Variants in RERE observed in about 807,000 individuals in gnomAD.
The protein encoded by RERE is arginine-glutamic acid dipeptide repeats, also known as arginine-glutamic acid dipeptide repeats protein.
In RERE, 40 loss-of-function variants were observed where a neutral mutation model predicts 146.1. The observed-to-expected ratio is 0.27, with a 90% CI of 0.21 to 0.36. The LOEUF (loss-of-function observed/expected upper bound fraction) is 0.36, where lower values mean the gene tolerates loss of function less well. Among genes scored for constraint, RERE ranks in the 10% least tolerant of loss-of-function variants. RERE has a pLI of 1.00. For synonymous variants in RERE, 1,003 were observed against 866.0 expected (o/e 1.16, Z -2.78); for missense variants, 1,933 against 2,138.7 (o/e 0.90, Z 1.90).
intron 1 of RERE, among the ~76,000 whole-genome samples, chr1:8,732,522 A>T (rs867386238): frequency 2.0e-5 from 3 of 152,050 alleles, no homozygotes; most frequent in African/African-American, 7.2e-5. Context: ...AGATGATTAC[A>T]TGGAGCACAG....
rs141108292 is a variant in RERE at position 8,446,336 on chromosome 1, G to A, written c.1203+19589C>T. On this transcript the variant is annotated intron_variant, in intron 11 of 22. Coordinates refer to ENST00000400908, the MANE Select transcript of RERE (RefSeq NM_001042681.2). ...ACCTTGGTGAATCTGAAGATTACGT[G>A]TCTTGGGGTTACTCTTCTCATCTGA... Among the ~76,000 whole-genome samples the A allele has an allele frequency of 8.1e-3, 1,220 of 151,392 alleles. 14 individuals are homozygous for A. Among genetic ancestry groups the A allele is most frequent in the African/African-American group, 0.028 (1,161 of 41,142 alleles).
At position 8,811,583 on chromosome 1, in the gene RERE, GAAC is replaced by G. The variant is rs1182701245; in HGVS notation, c.-145+5574_-145+5576del. Among the ~76,000 whole-genome samples, 5 of 152,328 alleles carry G rather than the reference GAAC, an allele frequency of 3.3e-5. No individual in the cohort carries two copies. The South Asian group carries it at 1.0e-3, about 32-fold the overall frequency. ...TGCTCATGCCACTGCACTCCAGCCTGAACAACAGAGCGAGACCCTCTCTCAAAA... is the reference window on the plus strand; with the variant it reads ...TGCTCATGCCACTGCACTCCAGCCTGAACAGAGCGAGACCCTCTCTCAAAA... On this transcript the variant is annotated intron_variant, in intron 1 of 22. Transcript: ENST00000400908.
intron 12 of RERE, chr1:8,380,691 C>T (rs1348455600): frequency 1.1e-5 from 4 of 367,790 alleles, no homozygotes; most frequent in Non-Finnish European, 1.6e-5. Flanking sequence ...CTGCAGAAAG[C>T]TTCAGAAACT....
In RERE at chr1:8,372,414, TGAGG is replaced by T. The variant is rs1219285502; in HGVS notation, c.1285-6444_1285-6441del. Among the ~76,000 whole-genome samples the T allele has an allele frequency of 2.6e-5, 4 of 151,774 alleles. No individual in the cohort carries two copies. In the East Asian group the frequency reaches 7.8e-4, roughly 30 times the overall value. Reference sequence around the variant, plus strand: ...CACCCAAGAAGTCTGGACACTCCCCTGAGGAAGGGGAGGGAGTGCAATAGAAGAT... The same window carrying T: ...CACCCAAGAAGTCTGGACACTCCCCTAAGGGGAGGGAGTGCAATAGAAGAT... On this transcript the variant is annotated intron_variant, in intron 12 of 22. Coordinates refer to ENST00000400908, the MANE Select transcript of RERE (RefSeq NM_001042681.2).
chr1:8,480,471 TG>T (rs1644820628), intron 10 of RERE, among the ~76,000 whole-genome samples: 1 of 150,548 alleles, frequency 6.6e-6, no homozygotes, highest in East Asian at 2.0e-4. Context: ...AGGCTTGCTC[TG>T]TTGCCCAGGC....
chr1:8,363,769 A>G (rs1304208795), intron 15 of RERE: 1 of 467,590 alleles, frequency 2.1e-6, no homozygotes. Flanking sequence ...CACCACAAGC[A>G]GCAGCCTTGG....
chr1:8,619,462 T>C (rs2124210909), intron 3 of RERE, among the ~76,000 whole-genome samples: 1 of 152,348 alleles, frequency 6.6e-6, no homozygotes, highest in African/African-American at 2.4e-5. Flanking sequence ...AAGTAACAGC[T>C]GAAACACCTA....
chr1:8,478,598 G>A (rs1488074559), intron 10 of RERE, among the ~76,000 whole-genome samples: 1 of 152,190 alleles, frequency 6.6e-6, no homozygotes, highest in African/African-American at 2.4e-5. Context: ...AGATTCTGGA[G>A]GACAGGGCTG....
chr1:8,727,797 C>G (rs748570217), intron 1 of RERE, among the ~76,000 whole-genome samples: 4 of 152,126 alleles, frequency 2.6e-5, no homozygotes, highest in Non-Finnish European at 4.4e-5. Flanking sequence ...CGGCCAATTA[C>G]CCACTATTCT....
At chr1:8,671,480 GGA>G (rs2124374251) in intron 1 of RERE, among the ~76,000 whole-genome samples, 1 of 152,278 alleles carries the variant, frequency 6.6e-6, no homozygotes, top group East Asian at 1.9e-4. Flanking sequence ...AAGACACATA[GGA>G]TGGAAACACC....
At chr1:8,457,217 C>G (rs1644462204) in intron 11 of RERE, among the ~76,000 whole-genome samples, 1 of 152,184 alleles carries the variant, frequency 6.6e-6, no homozygotes. Flanking sequence ...CCAAACTCCT[C>G]TGCAAGGAAT....
chr1:8,703,868 C>T (rs1188823090), intron 1 of RERE, among the ~76,000 whole-genome samples: 1 of 152,160 alleles, frequency 6.6e-6, no homozygotes, highest in Non-Finnish European at 1.5e-5. Context: ...AGCATTGTTT[C>T]GTGTCAAAGA....
chr1:8,480,624 C>CG (rs1170674795), intron 10 of RERE, among the ~76,000 whole-genome samples: 2 of 151,586 alleles, frequency 1.3e-5, no homozygotes, highest in Admixed American at 1.3e-4. Context: ...TTAGTAGAGA[C>CG]GGGGTTTCAC....
At chr1:8,599,195 T>A (rs1481096792) in intron 4 of RERE, among the ~76,000 whole-genome samples, 1 of 152,312 alleles carries the variant, frequency 6.6e-6, no homozygotes, top group Admixed American at 6.5e-5. Flanking sequence ...TTTTGGTCAC[T>A]GAGGTTCACG....
intron 1 of RERE, among the ~76,000 whole-genome samples, chr1:8,657,355 C>T (rs6694033): frequency 6.6e-6 from 1 of 151,000 alleles, no homozygotes; most frequent in African/African-American, 2.4e-5. Context: ...CTCAGGATAT[C>T]GCATAGAGCA....
At chr1:8,646,835 A>G (rs1025769294) in intron 2 of RERE, among the ~76,000 whole-genome samples, 1 of 152,204 alleles carries the variant, frequency 6.6e-6, no homozygotes, top group Non-Finnish European at 1.5e-5. Context: ...CAGAGGTAAC[A>G]TGAGGCTGGG....
intron 16 of RERE, 135 bp downstream of exon 16, chr1:8,362,548 C>G: frequency 8.3e-7 from 1 of 1,205,878 alleles, no homozygotes; most frequent in South Asian, 1.4e-5. Flanking sequence ...TAGGCCAGGA[C>G]AATGCTGGTG....
intron 1 of RERE, among the ~76,000 whole-genome samples, chr1:8,758,379 C>T (rs12028926): frequency 1.3e-5 from 2 of 149,224 alleles, no homozygotes; most frequent in Non-Finnish European, 3.0e-5. Flanking sequence ...CCGTGCCTGG[C>T]CCTCAATCTT....
intron 1 of RERE, among the ~76,000 whole-genome samples, chr1:8,778,445 T>A (rs1641107666): frequency 6.6e-6 from 1 of 152,206 alleles, no homozygotes; most frequent in Non-Finnish European, 1.5e-5. Flanking sequence ...ATAGCACTTG[T>A]ATGTGAGACA....
Sources: gnomAD v4.1 joint callset for allele counts (sites outside exome capture counted in the v4.1 genomes callset) on GRCh38, gnomAD v4.1.1 for gene constraint, MANE v1.5 for transcripts, NCBI Gene and HGNC (gene_info 2026-07-23, HGNC 2026-07-21) for gene names.